The following TMEM163 variants were observed in gnomAD, a reference collection of about 807,000 sequenced individuals.
TMEM163 encodes transmembrane protein 163.
Under a neutral mutation model 29.3 loss-of-function variants are expected in TMEM163, and 17 were observed. The observed-to-expected ratio is 0.58, with a 90% CI of 0.40 to 0.87. TMEM163 has a LOEUF of 0.87. TMEM163 is among the 40% of genes least tolerant of loss of function. The pLI, the probability that TMEM163 is intolerant of heterozygous loss-of-function variation, is 0.00. For missense variants in TMEM163, 303 were observed against 381.5 expected, an observed-to-expected ratio of 0.79 and a Z score of 1.71; for synonymous variants, 157 against 160.6, an observed-to-expected ratio of 0.98 and a Z score of 0.17.
At chr2:134,583,357 T>C (rs1681738820) in intron 2 of TMEM163, among the ~76,000 whole-genome samples, 1 of 152,248 alleles carries the variant, frequency 6.6e-6, no homozygotes, top group African/African-American at 2.4e-5. Flanking sequence ...AAGTTTCTAA[T>C]AAATAGTTCG....
Position 134,460,744 on chromosome 2 carries a change from G to A in TMEM163, c.668-2571C>T, listed in dbSNP as rs1686516998. On this transcript the variant is annotated intron_variant, in intron 6 of 7. Transcript: ENST00000281924. The surrounding 1 kb of genome is among the most constrained non-coding windows in gnomAD (Gnocchi z 4.3). ...TCAGCTCCACCAAGTCACCCGCTCTGCCAGCCAGCACCAAGGCCGGCCCAG... is the reference window on the plus strand; with the variant it reads ...TCAGCTCCACCAAGTCACCCGCTCTACCAGCCAGCACCAAGGCCGGCCCAG... Among the ~76,000 whole-genome samples the A allele has an allele frequency of 6.6e-6, 1 of 152,136 alleles. No homozygotes were observed. Among genetic ancestry groups the A allele is most frequent in the South Asian group, 2.1e-4 (1 of 4,824 alleles).
In TMEM163 at chr2:134,704,532, T is replaced by C. The variant is rs141566023; in HGVS notation, c.322+8668A>G. On this transcript the variant is annotated intron_variant, in intron 2 of 7. Coordinates refer to ENST00000281924, the MANE Select transcript of TMEM163 (RefSeq NM_030923.5). ...AGTTCAACCTCCCCTCTGCCAGTCC[T>C]GGCTCCCTGCAGGTGTTCTTCCTGA... 5.6e-3 allele frequency among the ~76,000 whole-genome samples: 853 copies of C among 152,340 alleles called. 11 individuals are homozygous for C. The highest frequency in any genetic ancestry group is 0.02 in the African/African-American group (820 of 41,574).
chr2:134,556,929 G>A (rs1345031351), intron 2 of TMEM163, among the ~76,000 whole-genome samples: 1 of 152,158 alleles, frequency 6.6e-6, no homozygotes, highest in Non-Finnish European at 1.5e-5. Flanking sequence ...TTCTGCATTG[G>A]GTGCCACAGG....
At chr2:134,612,810 G>A (rs995769728) in intron 2 of TMEM163, among the ~76,000 whole-genome samples, 3 of 152,148 alleles carry the variant, frequency 2.0e-5, no homozygotes, top group Admixed American at 6.5e-5. Context: ...TATTTCCAGA[G>A]TTGCCACATT....
chr2:134,555,516 G>C (rs1011789870), intron 2 of TMEM163, among the ~76,000 whole-genome samples: 15 of 152,226 alleles, frequency 9.9e-5, no homozygotes, highest in Non-Finnish European at 2.1e-4. Flanking sequence ...GGGCCGTTCT[G>C]AACTCGGACA....
At chr2:134,520,491 G>A (rs1680169509) in intron 4 of TMEM163, among the ~76,000 whole-genome samples, 1 of 152,246 alleles carries the variant, frequency 6.6e-6, no homozygotes, top group South Asian at 2.1e-4. Context: ...TTCATTGTCT[G>A]TATGATTGTA....
At chr2:134,542,448 C>T (rs1680695746) in intron 4 of TMEM163, among the ~76,000 whole-genome samples, 1 of 152,202 alleles carries the variant, frequency 6.6e-6, no homozygotes. Flanking sequence ...AACCAAGTGG[C>T]TTAAACCAGG....
chr2:134,595,182 T>C (rs1397757823), intron 2 of TMEM163, among the ~76,000 whole-genome samples: 1 of 152,128 alleles, frequency 6.6e-6, no homozygotes, highest in Admixed American at 6.5e-5. Flanking sequence ...GTTACATATG[T>C]ATACATGTGC....
chr2:134,595,421 C>A (rs1682053688), intron 2 of TMEM163, among the ~76,000 whole-genome samples: 1 of 152,124 alleles, frequency 6.6e-6, no homozygotes, highest in Non-Finnish European at 1.5e-5. Flanking sequence ...CAGCTTCATC[C>A]ATTTCCCTAC....
intron 5 of TMEM163, among the ~76,000 whole-genome samples, chr2:134,483,224 C>T (rs1321837621): frequency 6.6e-6 from 1 of 152,146 alleles, no homozygotes; most frequent in African/African-American, 2.4e-5. Context: ...GACAAGCCCT[C>T]CAACCCCTGA....
chr2:134,597,590 C>T (rs933983522), intron 2 of TMEM163, among the ~76,000 whole-genome samples: 2 of 152,124 alleles, frequency 1.3e-5, no homozygotes, highest in African/African-American at 4.8e-5. Flanking sequence ...TTTGTTGTGT[C>T]TCTGCCAGGC....
intron 4 of TMEM163, among the ~76,000 whole-genome samples, chr2:134,516,780 C>CATATACATATGCATATATATGAATAT (rs1680078809): frequency 7.2e-6 from 1 of 139,460 alleles, no homozygotes; most frequent in Non-Finnish European, 1.5e-5. Flanking sequence ...CATATCTATT[C>CATATACATATGCATATATATGAATAT]ATATATATAT....
chr2:134,648,435 G>A (rs561654862), intron 2 of TMEM163, among the ~76,000 whole-genome samples: 6 of 152,126 alleles, frequency 3.9e-5, no homozygotes, highest in Non-Finnish European at 7.4e-5. Context: ...ACATTCGAGC[G>A]GGAAAACAGG....
intron 4 of TMEM163, among the ~76,000 whole-genome samples, chr2:134,516,176 C>CT (rs1332660436): frequency 6.6e-6 from 1 of 152,134 alleles, no homozygotes; most frequent in Non-Finnish European, 1.5e-5. Context: ...AAAAAGACCA[C>CT]TTCCCTCCCA....
chr2:134,635,245 A>C (rs963334458), intron 2 of TMEM163, among the ~76,000 whole-genome samples: 1 of 152,226 alleles, frequency 6.6e-6, no homozygotes, highest in Non-Finnish European at 1.5e-5. Flanking sequence ...CAGGAATACT[A>C]CAACCTTATT....
Position 134,668,800 on chromosome 2 carries a change from G to A in TMEM163, c.322+44400C>T, listed in dbSNP as rs565666005. ...ACACACAAAAAAAATCTACGAAGGG[G>A]ACTAAGCATACATGTATATATATAT... On this transcript the variant is annotated intron_variant, in intron 2 of 7. Coordinates refer to ENST00000281924, the MANE Select transcript of TMEM163 (RefSeq NM_030923.5). Among the ~76,000 whole-genome samples the A allele has an allele frequency of 7.2e-5, 11 of 152,154 alleles. No homozygotes were observed. In the South Asian group the frequency reaches 2.3e-3, roughly 32 times the overall value.
intron 1 of TMEM163, among the ~76,000 whole-genome samples, chr2:134,714,248 C>T (rs575156806): frequency 1.1e-4 from 16 of 152,332 alleles, no homozygotes; most frequent in African/African-American, 3.6e-4. Flanking sequence ...ACCACATTTT[C>T]AGCCATGCAT....
At chr2:134,683,369 G>C (rs893054937) in intron 2 of TMEM163, among the ~76,000 whole-genome samples, 1 of 150,790 alleles carries the variant, frequency 6.6e-6, no homozygotes, top group African/African-American at 2.4e-5. Context: ...GAATATCTCT[G>C]TACCTTCCTC....
rs577617353 is a variant in TMEM163, at chr2:134,530,280, T to C, written c.458+20290A>G. 6.6e-5 allele frequency among the ~76,000 whole-genome samples: 10 copies of C among 152,258 alleles called. No individual in the cohort carries two copies. The East Asian group carries it at 9.7e-4, about 15-fold the overall frequency. On this transcript the variant is annotated intron_variant, in intron 4 of 7. Transcript: ENST00000281924. ...CCCCTTGATTGATGTGTGTGTTTAA[T>C]ATATACATTGAGACACGGTCTCACT... is the stretch of plus-strand genomic sequence containing the variant.
Sources: gnomAD v4.1 joint callset for allele counts (sites outside exome capture counted in the v4.1 genomes callset) on GRCh38, gnomAD v4.1.1 for gene constraint, Gnocchi (gnomAD v3.1) non-coding constraint, MANE v1.5 for transcripts, NCBI Gene and HGNC (gene_info 2026-07-23, HGNC 2026-07-21) for gene names.